The following CCDC40 variants were observed in gnomAD, a reference collection of about 807,000 sequenced individuals.
CCDC40 encodes coiled-coil domain 40 molecular ruler complex subunit.
In CCDC40, 104 loss-of-function variants were observed where a neutral mutation model predicts 124.5. The ratio of observed to expected loss-of-function variants is 0.84; its 90% CI spans 0.71 to 0.98. The LOEUF is 0.98. Ranked by LOEUF, CCDC40 falls within the 50% of genes least tolerant of loss-of-function variation. CCDC40 has a pLI of 0.00. For missense variants in CCDC40, 1,463 were observed against 1,503.9 expected, an observed-to-expected ratio of 0.97 and a Z score of 0.45; for synonymous variants, 580 against 602.9, an observed-to-expected ratio of 0.96 and a Z score of 0.56.
Position 80,086,443 on chromosome 17 carries a change from G to C in CCDC40, c.2449+227G>C, listed in dbSNP as rs1348369503. The C allele has an allele frequency of 5.6e-6, 3 of 531,346 alleles. No individual in the cohort carries two copies. Among genetic ancestry groups the C allele is most frequent in the Admixed American group, 3.1e-5 (1 of 32,612 alleles). 32.9% of individuals were successfully genotyped at this position (531,346 alleles called of 1,614,324 possible). ...GAGGGTTGAGAAATGTCACGAAATG[G>C]CTCCAAGCTCACGGACTTCAGAGCT... On this transcript the variant is annotated intron_variant, in intron 14 of 19. Transcript: ENST00000397545. This position sits in a 1 kb window ranked among gnomAD's most constrained non-coding sequence, Gnocchi z 5.5.
chr17:80,084,902 TC>T lies in CCDC40; in HGVS notation c.2152del (p.Arg718GlyfsTer5). On this transcript the variant is annotated frameshift_variant, in exon 13 of 20. Coordinates refer to ENST00000397545, the MANE Select transcript of CCDC40 (RefSeq NM_017950.4). LOFTEE classifies it high-confidence loss of function. Reference sequence around the variant, plus strand: ...CATCACCAACAGCCAGAGCGAGATCTCCCGGCGCACGATCCTGATCGAGAGG... The same window carrying T: ...CATCACCAACAGCCAGAGCGAGATCTCCGGCGCACGATCCTGATCGAGAGG... ...ELITNSQSEI[S>X]RRTILIERKQ... is the part of the protein sequence containing the mutation. 1 of 1,614,062 alleles carries T rather than the reference TC, an allele frequency of 6.2e-7. No homozygotes were observed. The highest frequency in any genetic ancestry group is 8.5e-7 in the Non-Finnish European group (1 of 1,180,020).
At chr17:80,062,513 T>C (rs1262657003) in intron 9 of CCDC40, among the ~76,000 whole-genome samples, 1 of 144,464 alleles carries the variant, frequency 6.9e-6, no homozygotes, top group African/African-American at 2.6e-5. Flanking sequence ...GTCCATGTGT[T>C]CTCATTGTTC....
rs1195446996 is a variant in CCDC40 at position 80,089,766 on chromosome 17, A to G, written c.2714A>G (p.His905Arg). 1 of 1,614,224 alleles carries G rather than the reference A, an allele frequency of 6.2e-7. No individual in the cohort carries two copies. Among genetic ancestry groups the G allele is most frequent in the East Asian group, 2.2e-5 (1 of 44,888 alleles). Reference protein sequence around the residue: ...TLLNQLVEAEHQIMLWEKKIQ... With the variant: ...TLLNQLVEAERQIMLWEKKIQ... ...CACTGCCTCTCCTACCTCTAAAGAC[A>G]CCAGATTATGCTTTGGGAGAAAAAA... The change falls in exon 17 of 20, where the codon CAC becomes CGC. Residue 905 changes from histidine to arginine, a missense_variant and splice_region_variant. By Grantham distance (29) the His-to-Arg change is conservative. Coordinates refer to ENST00000397545, the MANE Select transcript of CCDC40 (RefSeq NM_017950.4).
At chr17:80,076,901 A>G (rs768506940) in intron 10 of CCDC40, among the ~76,000 whole-genome samples, 1 of 151,892 alleles carries the variant, frequency 6.6e-6, no homozygotes, top group Non-Finnish European at 1.5e-5. Flanking sequence ...GCCCACCACG[A>G]CACCTGGTAT....
intron 12 of CCDC40, among the ~76,000 whole-genome samples, chr17:80,082,644 C>G (rs1042635402): frequency 1.3e-5 from 2 of 152,074 alleles, no homozygotes; most frequent in East Asian, 1.9e-4. Flanking sequence ...CAAGCTCTGC[C>G]GGTTTTGCCC....
At chr17:80,061,083 C>T (rs1415005957) in intron 9 of CCDC40, among the ~76,000 whole-genome samples, 2 of 152,186 alleles carry the variant, frequency 1.3e-5, no homozygotes. Context: ...AGGTGGCTCA[C>T]GCCTGTAATC....
chr17:80,041,472 T>A (rs1314784599), intron 3 of CCDC40, among the ~76,000 whole-genome samples: 2 of 150,768 alleles, frequency 1.3e-5, no homozygotes, highest in Non-Finnish European at 2.9e-5. Flanking sequence ...CGCACCCCTG[T>A]ACTCCTGCAT....
chr17:80,046,040 G>A lies in CCDC40; in HGVS notation c.553-1239G>A, dbSNP rs750337349. ...ACAAACATAATTTACTATGACACCC[G>A]TATTCCCATTGCAATGCCCTATCCC... On this transcript the variant is annotated intron_variant, in intron 3 of 19. Transcript: ENST00000397545. 2.0e-5 allele frequency among the ~76,000 whole-genome samples: 3 copies of A among 151,906 alleles called. No individual in the cohort carries two copies. In the South Asian group the frequency reaches 6.2e-4, roughly 32 times the overall value.
intron 3 of CCDC40, among the ~76,000 whole-genome samples, chr17:80,041,919 G>A (rs2037292695): frequency 6.6e-6 from 1 of 152,142 alleles, no homozygotes; most frequent in African/African-American, 2.4e-5. Context: ...TCTTCATTGT[G>A]AAGCGACCTT....
intron 3 of CCDC40, among the ~76,000 whole-genome samples, chr17:80,044,882 G>C (rs1335765798): frequency 6.6e-6 from 1 of 152,010 alleles, no homozygotes; most frequent in East Asian, 1.9e-4. Context: ...TTGAAGAAAG[G>C]GCAGGGACAG....
Position 80,047,195 on chromosome 17 carries a change from T to A in CCDC40, c.553-84T>A, listed in dbSNP as rs190401234. The stretch of plus-strand genomic sequence containing the variant: ...GACTATATTTTGAGTCTGACAACTT[T>A]CACAAATGTAATGAGTTAAAATTGA... On this transcript the variant is annotated intron_variant, in intron 3 of 19. Transcript: ENST00000397545. The A allele has an allele frequency of 4.9e-5, 72 of 1,467,702 alleles. No homozygotes were observed. In the African/African-American group the frequency reaches 6.9e-4, roughly 14 times the overall value. The allele number at this position is 1,467,702 out of a possible 1,614,324, so 90.9% of individuals were successfully genotyped here.
intron 7 of CCDC40, among the ~76,000 whole-genome samples, chr17:80,050,489 G>A (rs1025551900): frequency 6.6e-6 from 1 of 152,306 alleles, no homozygotes; most frequent in South Asian, 2.1e-4. Flanking sequence ...TGTCACCCAG[G>A]CTGGAGTGCA....
At chr17:80,080,214 AGGAAT>A (rs1230205890) in intron 10 of CCDC40, among the ~76,000 whole-genome samples, 1 of 151,968 alleles carries the variant, frequency 6.6e-6, no homozygotes, top group Non-Finnish European at 1.5e-5. Flanking sequence ...AAAGAAAGAA[AGGAAT>A]GAAAGGAATG....
intron 7 of CCDC40, among the ~76,000 whole-genome samples, chr17:80,055,995 TATATATATA>T (rs2037727703): frequency 6.5e-4 from 7 of 10,760 alleles, no homozygotes; most frequent in Admixed American, 1.3e-3. Context: ...TATATATATA[TATATATATA>T]TATATATATA....
intron 12 of CCDC40, among the ~76,000 whole-genome samples, chr17:80,082,722 C>T (rs1171474411): frequency 6.6e-6 from 1 of 152,176 alleles, no homozygotes; most frequent in East Asian, 1.9e-4. Context: ...AGGAGCCCAT[C>T]CAGCCGTGCT....
At chr17:80,072,334 G>T (rs574408295) in intron 10 of CCDC40, among the ~76,000 whole-genome samples, 28 of 152,212 alleles carry the variant, frequency 1.8e-4, no homozygotes, top group African/African-American at 5.1e-4. Flanking sequence ...ACAGAGAAAA[G>T]GATTTAAAAA....
At chr17:80,047,727 G>A (rs943136449) in intron 4 of CCDC40, among the ~76,000 whole-genome samples, 1 of 152,156 alleles carries the variant, frequency 6.6e-6, no homozygotes, top group Non-Finnish European at 1.5e-5. Context: ...CCCATCCCCT[G>A]ACAGCCATTT....
At chr17:80,050,346 A>G in intron 7 of CCDC40, 63 bp downstream of exon 7, 1 of 1,327,094 alleles carries the variant, frequency 7.5e-7, no homozygotes, top group Non-Finnish European at 1.1e-6. Context: ...GGGTGTCTCC[A>G]TGTACCATGG....
chr17:80,087,625 A>G lies in CCDC40; in HGVS notation c.2468A>G (p.Lys823Arg). ...LRVESKIEQE[K>R]KEQKEIEHHM... is the part of the protein sequence containing the mutation. ...GCCATAGGCAAGATTGAGCAGGAGA[A>G]GAAGGAGCAGAAGGAGATCGAGCAC... The change falls in exon 15 of 20, where the codon AAG (lysine) becomes AGG (arginine). Residue 823 changes from lysine to arginine, a missense_variant. Coordinates refer to ENST00000397545, the MANE Select transcript of CCDC40 (RefSeq NM_017950.4). This position sits in a 1 kb window ranked among gnomAD's most constrained non-coding sequence, Gnocchi z 4.5. 2 of 1,614,168 alleles carry G rather than the reference A, an allele frequency of 1.2e-6. No individual in the cohort carries two copies. The highest frequency in any genetic ancestry group is 1.7e-6 in the Non-Finnish European group (2 of 1,179,980).
Sources: allele counts gnomAD v4.1 joint callset (sites outside exome capture counted in the v4.1 genomes callset), GRCh38; gene constraint gnomAD v4.1.1; non-coding constraint Gnocchi (gnomAD v3.1); transcripts MANE v1.5; gene names NCBI Gene and HGNC (gene_info 2026-07-23, HGNC 2026-07-21).